ADGRV1: variants seen among roughly 807,000 people sequenced by gnomAD.
ADGRV1 encodes adhesion G protein-coupled receptor V1, also known as G-protein coupled receptor 98.
A neutral mutation model predicts 596.2 loss-of-function variants in ADGRV1; 359 were observed. That is an observed-to-expected ratio of 0.60 (90% CI 0.55 to 0.66). The LOEUF is 0.66. Ranked by LOEUF, ADGRV1 falls within the 30% of genes least tolerant of loss-of-function variation. The pLI, the probability that ADGRV1 is intolerant of heterozygous loss-of-function variation, is 0.00. For synonymous variants in ADGRV1, 2,681 were observed against 2,679.2 expected (o/e 1.00, Z -0.02); for missense variants, 7,274 against 7,575.6 (o/e 0.96, Z 1.48).
chr5:90,619,361 T>G (rs1479317263), intron 4 of ADGRV1, among the ~76,000 whole-genome samples, 180 bp downstream of exon 4: 1 of 152,230 alleles, frequency 6.6e-6, no homozygotes, highest in East Asian at 1.9e-4. Flanking sequence ...CTAAGATGTT[T>G]GTGAATTGAG....
intron 1 of ADGRV1, among the ~76,000 whole-genome samples, chr5:90,599,336 TAAAC>T (rs1761110955): frequency 6.6e-6 from 1 of 152,234 alleles, no homozygotes; most frequent in Non-Finnish European, 1.5e-5. Flanking sequence ...CAGTTATTGA[TAAAC>T]TCTTAGGCAT....
chr5:90,613,041 C>A (rs1427224024), intron 1 of ADGRV1, among the ~76,000 whole-genome samples: 1 of 152,110 alleles, frequency 6.6e-6, no homozygotes, highest in African/African-American at 2.4e-5. Flanking sequence ...GATCCTAATG[C>A]AGGACAGATT....
At chr5:90,660,028 CAG>C (rs937683964) in intron 21 of ADGRV1, among the ~76,000 whole-genome samples, 18 of 146,264 alleles carry the variant, frequency 1.2e-4, no homozygotes, top group African/African-American at 4.6e-4. Context: ...GACTCTGTCT[CAG>C]AGAAAAAAAA....
intron 87 of ADGRV1, among the ~76,000 whole-genome samples, chr5:91,147,729 G>T (rs1795673623): frequency 6.6e-6 from 1 of 152,100 alleles, no homozygotes; most frequent in African/African-American, 2.4e-5. Context: ...TACAGTAAAT[G>T]GGTACCTCAG....
chr5:90,741,331 C>T (rs1411229277), intron 50 of ADGRV1, among the ~76,000 whole-genome samples: 1 of 152,070 alleles, frequency 6.6e-6, no homozygotes, highest in Non-Finnish European at 1.5e-5. Flanking sequence ...CACTTTGACT[C>T]GTCATAAATC....
intron 85 of ADGRV1, among the ~76,000 whole-genome samples, chr5:91,060,418 C>T (rs1787321926): frequency 2.0e-5 from 3 of 147,774 alleles, no homozygotes; most frequent in Non-Finnish European, 4.4e-5. Flanking sequence ...TTAATAGAGA[C>T]GAGGTTTCAC....
rs184974866 is a variant in ADGRV1, at chr5:90,922,585, T to C, written c.17857-42830T>C. On this transcript the variant is annotated intron_variant, in intron 83 of 89. Transcript: ENST00000405460. ...TTCTTCCTCTACAGTGGTCACCTCC[T>C]ATCAGTAGCTTTCCTAGATAACCTT... Among the ~76,000 whole-genome samples, 44 of 152,314 alleles carry C rather than the reference T, an allele frequency of 2.9e-4. No homozygotes were observed. The East Asian group carries it at 6.9e-3, about 24-fold the overall frequency.
intron 21 of ADGRV1, among the ~76,000 whole-genome samples, chr5:90,662,137 A>G (rs1374161371): frequency 6.6e-6 from 1 of 152,052 alleles, no homozygotes; most frequent in East Asian, 1.9e-4. Context: ...ACTAGCTTCA[A>G]TAATTATCAG....
intron 85 of ADGRV1, among the ~76,000 whole-genome samples, chr5:91,023,242 G>A (rs909893428): frequency 1.3e-5 from 2 of 152,224 alleles, no homozygotes; most frequent in South Asian, 2.1e-4. Context: ...ACCATAATGT[G>A]TAGCTAAACA....
intron 87 of ADGRV1, among the ~76,000 whole-genome samples, chr5:91,126,499 T>G (rs1017323311): frequency 2.5e-4 from 38 of 152,268 alleles, no homozygotes; most frequent in Admixed American, 2.4e-3. Context: ...AATAATAGAC[T>G]TAGTGAAGAG....
chr5:90,964,102 A>G (rs1778251917), intron 83 of ADGRV1, among the ~76,000 whole-genome samples: 1 of 152,018 alleles, frequency 6.6e-6, no homozygotes, highest in Non-Finnish European at 1.5e-5. Context: ...AGAAATTTTC[A>G]AGGGGAGTTG....
chr5:91,131,870 G>A (rs973551679), intron 87 of ADGRV1, among the ~76,000 whole-genome samples: 3 of 151,982 alleles, frequency 2.0e-5, no homozygotes, highest in African/African-American at 4.8e-5. Flanking sequence ...TCCTTGAGTA[G>A]CCCAATGTCT....
At position 90,705,504 on chromosome 5, in the gene ADGRV1, T is replaced by A; in HGVS notation, c.8491T>A (p.Ser2831Thr). ...ACATGGAGTTTTAAATTTTGCTCTT[T>A]CATCAAGATTTGTGTTACTACAAGA... ...EPHGVLNFAL[S>T]SRFVLLQEAN... The change falls in exon 37 of 90, where the codon TCA becomes ACA. Residue 2831 changes from serine to threonine, a missense_variant. Ser to Thr is a moderately conservative substitution (Grantham distance 58). Coordinates refer to ENST00000405460, the MANE Select transcript of ADGRV1 (RefSeq NM_032119.4). The A allele has an allele frequency of 6.2e-7, 1 of 1,613,910 alleles. No individual in the cohort carries two copies. The highest frequency in any genetic ancestry group is 1.1e-5 in the South Asian group (1 of 91,082).
At chr5:90,882,136 T>C (rs766110373) in intron 83 of ADGRV1, among the ~76,000 whole-genome samples, 21 of 152,240 alleles carry the variant, frequency 1.4e-4, no homozygotes, top group Non-Finnish European at 2.4e-4. Context: ...TTACCTTTCA[T>C]ATTAATATAC....
intron 29 of ADGRV1, among the ~76,000 whole-genome samples, chr5:90,688,941 C>T (rs1030249275): frequency 1.3e-5 from 2 of 152,128 alleles, no homozygotes; most frequent in Non-Finnish European, 1.5e-5. Flanking sequence ...TTAGTATTAA[C>T]TATTTTATAT....
At chr5:90,881,971 A>C (rs77681014) in intron 83 of ADGRV1, among the ~76,000 whole-genome samples, 1,730 of 152,210 alleles carry the variant, frequency 0.011, 25 homozygotes, top group African/African-American at 0.04. Flanking sequence ...AGCCTCCCAA[A>C]GTGTTGGGGA....
chr5:90,665,405 G>T (rs1200525287), intron 21 of ADGRV1, among the ~76,000 whole-genome samples: 1 of 151,922 alleles, frequency 6.6e-6, no homozygotes, highest in Non-Finnish European at 1.5e-5. Flanking sequence ...TTGCGTAGAG[G>T]TGTTTGTAGT....
rs951899639 is a variant in ADGRV1, at chr5:90,754,501, G to T, written c.11378-482G>T. On this transcript the variant is annotated intron_variant, in intron 54 of 89. Coordinates refer to ENST00000405460, the MANE Select transcript of ADGRV1 (RefSeq NM_032119.4). ...TTAAAATCTAAACAATGAAATAAAA[G>T]TTAGGTGCTGTGAAATACTTTGAGC... Among the ~76,000 whole-genome samples the T allele has an allele frequency of 2.6e-5, 4 of 152,134 alleles. No homozygotes were observed. In the East Asian group the frequency reaches 7.7e-4, roughly 29 times the overall value.
chr5:90,839,645 C>T (rs1765263627), intron 77 of ADGRV1, among the ~76,000 whole-genome samples: 1 of 152,176 alleles, frequency 6.6e-6, no homozygotes, highest in South Asian at 2.1e-4. Context: ...GAATATTTCC[C>T]AAGATCCTTA....
Sources: gnomAD v4.1 joint callset for allele counts (sites outside exome capture counted in the v4.1 genomes callset) on GRCh38, gnomAD v4.1.1 for gene constraint, MANE v1.5 for transcripts, NCBI Gene and HGNC (gene_info 2026-07-23, HGNC 2026-07-21) for gene names.